ACTR3C: variants seen among roughly 807,000 people sequenced by gnomAD.
ACTR3C encodes actin related protein 3C.
ACTR3C carries 18 observed loss-of-function variants against 26.3 expected under a neutral mutation model. That is an observed-to-expected ratio of 0.68 (90% confidence interval 0.47 to 1.01). The LOEUF (loss-of-function observed/expected upper bound fraction) is 1.01. Ranked by LOEUF, ACTR3C falls within the 50% of genes least tolerant of loss-of-function variation. ACTR3C has a pLI of 0.00. For missense variants in ACTR3C, 184 were observed against 250.7 expected (o/e 0.73, Z 1.80); for synonymous variants, 55 against 94.5 (o/e 0.58, Z 2.42).
At chr7:150,039,989 C>A in the ACTR3C span, among the ~76,000 whole-genome samples, 3 of 135,184 alleles carry the variant, frequency 2.2e-5, 1 homozygote, top group Non-Finnish European at 4.9e-5. Context: ...TTGCCTCCCC[C>A]ACTGCGATAG....
At chr7:149,901,122 A>C in the ACTR3C span, among the ~76,000 whole-genome samples, 3 of 152,226 alleles carry the variant, frequency 2.0e-5, no homozygotes, top group Non-Finnish European at 4.4e-5. Context: ...ATATTAATCT[A>C]TTGAAGAACA....
intron 4 of ACTR3C, 40 bp downstream of exon 4, chr7:150,289,410 C>T: frequency 6.5e-7 from 1 of 1,537,832 alleles, no homozygotes; most frequent in Non-Finnish European, 8.7e-7. Context: ...AACACCATCT[C>T]TCTCACCCCC....
rs146949858 is a variant in ACTR3C, at chr7:150,269,413, C to T, written c.564+15340G>A. 6.4e-3 allele frequency among the ~76,000 whole-genome samples: 929 copies of T among 145,278 alleles called. 111 individuals carry two copies. The highest frequency in any genetic ancestry group is 0.024 in the African/African-American group (882 of 37,124). ...GCTGGGGCCTGAAGCAAGCAGCAAA[C>T]CCCCCCACCCGTGGGCTCCCACGCC... is the stretch of plus-strand genomic sequence containing the variant. On this transcript the variant is annotated intron_variant, in intron 6 of 7. Transcript: ENST00000683684.
At chr7:150,280,546 C>T (rs2530923) in intron 6 of ACTR3C, among the ~76,000 whole-genome samples, 1 of 152,152 alleles carries the variant, frequency 6.6e-6, no homozygotes, top group Non-Finnish European at 1.5e-5. Context: ...AACAAACTTG[C>T]AGTCAGAAGA....
chr7:150,291,058 C>T (rs1172939533), intron 3 of ACTR3C, among the ~76,000 whole-genome samples: 2 of 151,936 alleles, frequency 1.3e-5, no homozygotes, highest in Non-Finnish European at 2.9e-5. Context: ...ATGTACAATC[C>T]CAAACCAGAC....
At chr7:150,148,401 C>T in the ACTR3C span, among the ~76,000 whole-genome samples, 10 of 151,916 alleles carry the variant, frequency 6.6e-5, no homozygotes, top group African/African-American at 1.5e-4. Flanking sequence ...CGCTTGCACC[C>T]GGGAGGCAGA....
the ACTR3C span, among the ~76,000 whole-genome samples, chr7:150,048,941 C>T: frequency 5.3e-5 from 8 of 152,246 alleles, no homozygotes; most frequent in South Asian, 1.4e-3. Flanking sequence ...CGCTGCGCCC[C>T]GCAGAGAGCC....
intron 1 of ACTR3C, among the ~76,000 whole-genome samples, chr7:150,299,464 CAAAAAAAAAAA>C (rs759969034): frequency 5.0e-4 from 7 of 14,114 alleles, no homozygotes; most frequent in African/African-American, 8.8e-4. Context: ...GACCCCCTCT[CAAAAAAAAAAA>C]AAAAAAAAAA....
intron 5 of ACTR3C, among the ~76,000 whole-genome samples, chr7:150,286,062 T>C (rs1022859939): frequency 6.6e-6 from 1 of 152,198 alleles, no homozygotes; most frequent in African/African-American, 2.4e-5. Flanking sequence ...CTACTTGTAA[T>C]GCTAGCATGT....
the ACTR3C span, among the ~76,000 whole-genome samples, chr7:149,907,183 A>G: frequency 1.3e-5 from 1 of 75,250 alleles, no homozygotes; most frequent in Non-Finnish European, 2.7e-5. Flanking sequence ...CTTGCCACCC[A>G]GTCCTTCCCC....
intron 1 of ACTR3C, among the ~76,000 whole-genome samples, chr7:150,315,875 T>C (rs1286753527): frequency 6.6e-6 from 1 of 152,066 alleles, no homozygotes; most frequent in African/African-American, 2.4e-5. Flanking sequence ...AGTCAGTCCA[T>C]ATCAGTACAC....
At chr7:149,884,368 TAGAG>T in the ACTR3C span, among the ~76,000 whole-genome samples, 1 of 152,218 alleles carries the variant, frequency 6.6e-6, no homozygotes, top group East Asian at 1.9e-4. Context: ...GGTCAAAAGA[TAGAG>T]AATTTCAGTT....
chr7:150,095,874 A>T, the ACTR3C span, among the ~76,000 whole-genome samples: 1 of 150,622 alleles, frequency 6.6e-6, no homozygotes, highest in African/African-American at 2.5e-5. Context: ...ATGAAAAGTT[A>T]AACAAAATTC....
chr7:150,082,826 G>T, the ACTR3C span, among the ~76,000 whole-genome samples: 2 of 151,614 alleles, frequency 1.3e-5, no homozygotes, highest in African/African-American at 2.4e-5. Flanking sequence ...AGAGAAGGAA[G>T]ATATTAGGAG....
chr7:149,939,702 T>C, the ACTR3C span, among the ~76,000 whole-genome samples: 1 of 149,496 alleles, frequency 6.7e-6, no homozygotes, highest in Non-Finnish European at 1.5e-5. Context: ...TGATTCCTTC[T>C]TTTCTCTTGG....
chr7:150,013,830 G>C, the ACTR3C span, among the ~76,000 whole-genome samples: 2 of 152,188 alleles, frequency 1.3e-5, no homozygotes, highest in Admixed American at 6.5e-5. Flanking sequence ...ATGGAGGCTT[G>C]GGTGACCAGG....
At chr7:150,195,452 G>A in the ACTR3C span, among the ~76,000 whole-genome samples, 1 of 152,044 alleles carries the variant, frequency 6.6e-6, no homozygotes, top group African/African-American at 2.4e-5. Context: ...TTCTTGCTAT[G>A]TAGGTCTATT....
At chr7:150,215,552 A>G in the ACTR3C span, among the ~76,000 whole-genome samples, 1 of 152,160 alleles carries the variant, frequency 6.6e-6, no homozygotes, top group Non-Finnish European at 1.5e-5. Flanking sequence ...TTTTGCATCT[A>G]CTCTTCATTG....
chr7:150,054,401 A>G, the ACTR3C span, among the ~76,000 whole-genome samples: 1 of 152,214 alleles, frequency 6.6e-6, no homozygotes, highest in African/African-American at 2.4e-5. Context: ...ATGTGCGTGG[A>G]CATGATGCAG....
Sources: allele counts gnomAD v4.1 joint callset (sites outside exome capture counted in the v4.1 genomes callset), GRCh38; gene constraint gnomAD v4.1.1; transcripts MANE v1.5; gene names NCBI Gene and HGNC (gene_info 2026-07-23, HGNC 2026-07-21).